The following HS3ST4 variants were observed in gnomAD, a reference collection of about 807,000 sequenced individuals.
HS3ST4 encodes the protein heparan sulfate-glucosamine 3-sulfotransferase 4.
In HS3ST4, 17 loss-of-function variants were observed where a neutral mutation model predicts 29.2. The ratio of observed to expected loss-of-function variants is 0.58; its 90% CI spans 0.40 to 0.87. HS3ST4 has a LOEUF of 0.87. Among genes scored for constraint, HS3ST4 ranks in the 40% least tolerant of loss-of-function variants. HS3ST4 has a pLI of 0.00. For missense variants in HS3ST4, 627 were observed against 634.5 expected, an observed-to-expected ratio of 0.99 and a Z score of 0.13; for synonymous variants, 314 against 285.7, an observed-to-expected ratio of 1.10 and a Z score of -1.00.
intron 1 of HS3ST4, among the ~76,000 whole-genome samples, chr16:25,838,477 A>T (rs1967383069): frequency 6.6e-6 from 1 of 152,238 alleles, no homozygotes; most frequent in South Asian, 2.1e-4. Context: ...AAACCAACAA[A>T]TATAGGATCG....
chr16:25,884,665 A>G (rs185573182), intron 1 of HS3ST4, among the ~76,000 whole-genome samples: 112 of 152,264 alleles, frequency 7.4e-4, no homozygotes, highest in African/African-American at 2.7e-3. Flanking sequence ...TCCCAGGTTC[A>G]AGTGATTCTC....
intron 1 of HS3ST4, among the ~76,000 whole-genome samples, chr16:25,985,029 T>C (rs1969048436): frequency 6.6e-6 from 1 of 152,192 alleles, no homozygotes; most frequent in South Asian, 2.1e-4. Flanking sequence ...AAGTAGAACA[T>C]AGTTATCGAG....
chr16:25,801,967 G>A (rs1478290872), intron 1 of HS3ST4, among the ~76,000 whole-genome samples: 1 of 147,672 alleles, frequency 6.8e-6, no homozygotes, highest in Non-Finnish European at 1.5e-5. Flanking sequence ...ATTCACTTAC[G>A]CAAATATTTT....
intron 1 of HS3ST4, among the ~76,000 whole-genome samples, chr16:26,104,347 C>T (rs1049120024): frequency 3.3e-5 from 5 of 152,106 alleles, no homozygotes; most frequent in African/African-American, 1.2e-4. Flanking sequence ...AGCTTTGATA[C>T]AGGGATGTGA....
At chr16:25,965,196 G>A (rs1163397185) in intron 1 of HS3ST4, among the ~76,000 whole-genome samples, 1 of 152,046 alleles carries the variant, frequency 6.6e-6, no homozygotes, top group African/African-American at 2.4e-5. Context: ...TTCCTTTCAG[G>A]GAAGGTGTAG....
chr16:25,756,113 CACACACACACACAT>C (rs1392761555), intron 1 of HS3ST4, among the ~76,000 whole-genome samples: 1 of 135,400 alleles, frequency 7.4e-6, no homozygotes. Context: ...GTTATAGAAA[CACACACACACACAT>C]ACACACACAC....
chr16:25,849,696 G>A (rs531029705), intron 1 of HS3ST4, among the ~76,000 whole-genome samples: 2 of 152,060 alleles, frequency 1.3e-5, no homozygotes, highest in Admixed American at 6.5e-5. Context: ...TTGTAGAGAC[G>A]GGGTCTCACC....
chr16:26,008,514 C>T (rs1445734841), intron 1 of HS3ST4, among the ~76,000 whole-genome samples: 5 of 152,138 alleles, frequency 3.3e-5, no homozygotes, highest in African/African-American at 1.2e-4. Context: ...ATGATTTCAA[C>T]TTGAAGTAAG....
intron 1 of HS3ST4, among the ~76,000 whole-genome samples, chr16:26,057,840 A>G (rs1898427880): frequency 6.6e-6 from 1 of 152,152 alleles, no homozygotes; most frequent in African/African-American, 2.4e-5. Flanking sequence ...CTGAGCCTTC[A>G]TCTGTCTGTG....
At chr16:26,129,701 C>T (rs912426188) in intron 1 of HS3ST4, among the ~76,000 whole-genome samples, 1 of 152,190 alleles carries the variant, frequency 6.6e-6, no homozygotes, top group African/African-American at 2.4e-5. Context: ...AAGGATCACA[C>T]AGTTAATCAG....
chr16:25,983,171 T>A (rs555859235), intron 1 of HS3ST4, among the ~76,000 whole-genome samples: 26 of 152,274 alleles, frequency 1.7e-4, no homozygotes, highest in African/African-American at 6.3e-4. Context: ...TTCAGATCCT[T>A]CCACTAGAGA....
Position 25,692,848 on chromosome 16 carries a change from T to C in HS3ST4, c.431T>C (p.Leu144Pro). ...CAGGACGCCTGGCTCCGGACCCCGC[T>C]GGCCCCCAGCGAGATGATCACGGCT... ...GAQDAWLRTP[L>P]APSEMITAQS... The change falls in exon 1 of 2, where the codon CTG becomes CCG. Residue 144 changes from leucine to proline, a missense_variant. By Grantham distance (98) the Leu-to-Pro change is moderately conservative. Coordinates refer to ENST00000331351, the MANE Select transcript of HS3ST4 (RefSeq NM_006040.3). The C allele has an allele frequency of 6.9e-7, 1 of 1,454,356 alleles. No homozygotes were observed. The highest frequency in any genetic ancestry group is 9.0e-7 in the Non-Finnish European group (1 of 1,104,974). The allele number at this position is 1,454,356 out of a possible 1,614,324, so 90.1% of individuals were successfully genotyped here.
chr16:25,722,474 C>T (rs1966504110), intron 1 of HS3ST4, among the ~76,000 whole-genome samples: 1 of 152,222 alleles, frequency 6.6e-6, no homozygotes, highest in Non-Finnish European at 1.5e-5. Flanking sequence ...TGCTTTTCAC[C>T]TACTGAGGAA....
chr16:25,697,380 T>TAA (rs1966305183), intron 1 of HS3ST4, among the ~76,000 whole-genome samples: 1 of 152,206 alleles, frequency 6.6e-6, no homozygotes, highest in African/African-American at 2.4e-5. Context: ...ATTGAATAGG[T>TAA]AAAATGTCCA....
chr16:25,751,862 G>C (rs1202770034), intron 1 of HS3ST4, among the ~76,000 whole-genome samples: 1 of 152,172 alleles, frequency 6.6e-6, no homozygotes, highest in African/African-American at 2.4e-5. Context: ...GGAGCAATCG[G>C]GAGCAATCCC....
At chr16:25,892,674 G>A (rs1377779873) in intron 1 of HS3ST4, among the ~76,000 whole-genome samples, 1 of 152,174 alleles carries the variant, frequency 6.6e-6, no homozygotes, top group African/African-American at 2.4e-5. Context: ...AGTCCTGGGG[G>A]AGATAGCCTC....
At chr16:25,721,956 G>A (rs932771776) in intron 1 of HS3ST4, among the ~76,000 whole-genome samples, 1 of 152,150 alleles carries the variant, frequency 6.6e-6, no homozygotes, top group Non-Finnish European at 1.5e-5. Context: ...GAAGATGTGG[G>A]GAGGCTTTTA....
intron 1 of HS3ST4, among the ~76,000 whole-genome samples, chr16:25,847,251 A>G (rs955320855): frequency 7.2e-5 from 11 of 152,118 alleles, no homozygotes; most frequent in African/African-American, 2.4e-4. Flanking sequence ...TTAGGTTTAT[A>G]ACTAGATATT....
Position 26,034,670 on chromosome 16 carries a change from G to GGGC in HS3ST4, c.735-100940_735-100939insCGG, listed in dbSNP as rs1567298653. Reference sequence around the variant, plus strand: ...GGTGCTCCATTAAATAGCAGGGGCGGGGGGGGGTCTCACCAGCATGGAGTG... The same window carrying GGGC: ...GGTGCTCCATTAAATAGCAGGGGCGGGGCGGGGGGGTCTCACCAGCATGGAGTG... On this transcript the variant is annotated intron_variant, in intron 1 of 1. Coordinates refer to ENST00000331351, the MANE Select transcript of HS3ST4 (RefSeq NM_006040.3). Among the ~76,000 whole-genome samples the GGGC allele has an allele frequency of 3.2e-3, 350 of 110,646 alleles. 1 individual carries two copies. Among genetic ancestry groups the GGGC allele is most frequent in the African/African-American group, 0.021 (336 of 15,698 alleles). The allele number at this position is 110,646 out of a possible 152,430, so 72.6% of individuals were successfully genotyped here.
Sources: gnomAD v4.1 joint callset for allele counts (sites outside exome capture counted in the v4.1 genomes callset) on GRCh38, gnomAD v4.1.1 for gene constraint, MANE v1.5 for transcripts, NCBI Gene and HGNC (gene_info 2026-07-23, HGNC 2026-07-21) for gene names.